FHIT: variants seen among roughly 807,000 people sequenced by gnomAD.
The protein encoded by FHIT is bis(5'-adenosyl)-triphosphatase.
FHIT carries 19 observed loss-of-function variants against 17.9 expected under a neutral mutation model. That is an observed-to-expected ratio of 1.06 (90% CI 0.74 to 1.56). The LOEUF (loss-of-function observed/expected upper bound fraction) is 1.56, where lower values mean the gene tolerates loss of function less well. FHIT is among the 40% of genes most tolerant of loss of function. The pLI, the probability that FHIT is intolerant of heterozygous loss-of-function variation, is 0.00. For missense variants in FHIT, 248 were observed against 189.2 expected, an observed-to-expected ratio of 1.31 and a Z score of -1.82; for synonymous variants, 81 against 69.7, an observed-to-expected ratio of 1.16 and a Z score of -0.81.
chr3:60,189,434 C>T (rs934359464), intron 5 of FHIT, among the ~76,000 whole-genome samples: 1 of 152,122 alleles, frequency 6.6e-6, no homozygotes, highest in Non-Finnish European at 1.5e-5. Flanking sequence ...CACAATCAAT[C>T]ATTCAGGCTT....
At chr3:60,638,239 G>GT (rs2039638783) in intron 4 of FHIT, among the ~76,000 whole-genome samples, 1 of 152,098 alleles carries the variant, frequency 6.6e-6, no homozygotes, top group South Asian at 2.1e-4. Flanking sequence ...TGGAGGGAAC[G>GT]TTTTTCCTCA....
chr3:60,970,870 A>G (rs546878002), intron 3 of FHIT, among the ~76,000 whole-genome samples: 1 of 152,332 alleles, frequency 6.6e-6, no homozygotes, highest in African/African-American at 2.4e-5. Context: ...GTTCATATTT[A>G]TCATCCTGCT....
chr3:60,083,914 C>A (rs1703391958), intron 5 of FHIT, among the ~76,000 whole-genome samples: 1 of 152,204 alleles, frequency 6.6e-6, no homozygotes, highest in South Asian at 2.1e-4. Context: ...CAAGGCCATG[C>A]TCTGCTATAG....
chr3:60,715,888 C>T (rs1292114141), intron 4 of FHIT, among the ~76,000 whole-genome samples: 1 of 152,092 alleles, frequency 6.6e-6, no homozygotes, highest in Non-Finnish European at 1.5e-5. Context: ...CTTGCAGACT[C>T]CCTGGAAGGA....
At chr3:60,875,540 C>A (rs1704608435) in intron 3 of FHIT, among the ~76,000 whole-genome samples, 1 of 152,116 alleles carries the variant, frequency 6.6e-6, no homozygotes, top group Non-Finnish European at 1.5e-5. Context: ...GGGCCTCTCC[C>A]ATTTTTCACA....
chr3:59,911,125 G>A (rs549909126), intron 8 of FHIT, among the ~76,000 whole-genome samples: 1 of 152,206 alleles, frequency 6.6e-6, no homozygotes, highest in Non-Finnish European at 1.5e-5. Context: ...TGTGTACAGT[G>A]TTATATCATT....
At chr3:61,215,282 C>T (rs191598934) in intron 1 of FHIT, among the ~76,000 whole-genome samples, 1 of 151,642 alleles carries the variant, frequency 6.6e-6, no homozygotes, top group East Asian at 1.9e-4. Flanking sequence ...AGCCCAAAAT[C>T]TCCTTAAGCT....
chr3:60,459,469 T>G (rs575490679), intron 5 of FHIT, among the ~76,000 whole-genome samples: 1 of 152,208 alleles, frequency 6.6e-6, no homozygotes. Flanking sequence ...ACAGCACCTC[T>G]TTGAGTTTCA....
chr3:60,731,994 C>T, intron 4 of FHIT: 3 of 349,224 alleles, frequency 8.6e-6, no homozygotes, highest in South Asian at 7.1e-5. Context: ...CTCTGCAATC[C>T]AGCTAGGGAA....
At chr3:60,419,067 C>T (rs1702376419) in intron 5 of FHIT, among the ~76,000 whole-genome samples, 2 of 152,292 alleles carry the variant, frequency 1.3e-5, no homozygotes, top group Admixed American at 6.5e-5. Context: ...CCCTTCTACC[C>T]AGTAACAGCA....
At chr3:60,335,715 C>T (rs1710203721) in intron 5 of FHIT, among the ~76,000 whole-genome samples, 1 of 152,096 alleles carries the variant, frequency 6.6e-6, no homozygotes, top group Admixed American at 6.5e-5. Context: ...TTTATATTGA[C>T]CACATTTTAA....
chr3:60,173,712 G>A (rs1428335892), intron 5 of FHIT, among the ~76,000 whole-genome samples: 1 of 151,236 alleles, frequency 6.6e-6, no homozygotes, highest in Non-Finnish European at 1.5e-5. Flanking sequence ...TGCTCAACTG[G>A]TCTCAGTTCT....
chr3:61,038,018 A>C (rs1266896968), intron 3 of FHIT, among the ~76,000 whole-genome samples: 1 of 152,256 alleles, frequency 6.6e-6, no homozygotes, highest in Non-Finnish European at 1.5e-5. Context: ...TCTAGTTGAC[A>C]AATGGAAAAT....
chr3:60,710,074 TAAAAAAAAAA>T lies in FHIT; in HGVS notation c.-18+111835_-18+111844del, dbSNP rs782196858. Among the ~76,000 whole-genome samples the T allele has an allele frequency of 4.1e-4, 33 of 80,596 alleles. No homozygotes were observed. The East Asian group carries it at 8.6e-3, about 21-fold the overall frequency. 52.9% of individuals were successfully genotyped at this position (80,596 alleles called of 152,430 possible). ...CTTCCCATTTCAGCACACAGAATGC[TAAAAAAAAAA>T]AAAAAAAAAAACTCAACAATCAAAA... is the stretch of plus-strand genomic sequence containing the variant. On this transcript the variant is annotated intron_variant, in intron 4 of 9. Transcript: ENST00000492590.
intron 5 of FHIT, among the ~76,000 whole-genome samples, chr3:60,519,594 A>G (rs2035283943): frequency 6.6e-6 from 1 of 152,188 alleles, no homozygotes; most frequent in Admixed American, 6.5e-5. Flanking sequence ...GAAAATATTA[A>G]TATTAAGAAA....
At chr3:60,836,455 A>T (rs1559759691) in intron 3 of FHIT, among the ~76,000 whole-genome samples, 1 of 152,152 alleles carries the variant, frequency 6.6e-6, no homozygotes. Context: ...TTTAATAGTT[A>T]TGGGCTTTTA....
At chr3:60,840,098 C>A (rs868995525) in intron 3 of FHIT, among the ~76,000 whole-genome samples, 1 of 151,860 alleles carries the variant, frequency 6.6e-6, no homozygotes, top group Non-Finnish European at 1.5e-5. Flanking sequence ...AGCCTAAAGG[C>A]CTTGAAAGAA....
At position 61,149,173 on chromosome 3, in the gene FHIT, G is replaced by A. The variant is rs2037312510; in HGVS notation, c.-164+51444C>T. On this transcript the variant is annotated intron_variant, in intron 2 of 9. Coordinates refer to ENST00000492590, the MANE Select transcript of FHIT (RefSeq NM_002012.4). Reference sequence around the variant, plus strand: ...AGTCACAGAAAACATTCAGAGAAGTGAGAAACCATTGAAATTGGACCAGTG... The same window carrying A: ...AGTCACAGAAAACATTCAGAGAAGTAAGAAACCATTGAAATTGGACCAGTG... 2.6e-5 allele frequency among the ~76,000 whole-genome samples: 4 copies of A among 152,286 alleles called. 1 individual carries two copies. In the South Asian group the frequency reaches 8.3e-4, roughly 32 times the overall value.
At chr3:61,016,779 G>C (rs2032132697) in intron 3 of FHIT, among the ~76,000 whole-genome samples, 1 of 152,210 alleles carries the variant, frequency 6.6e-6, no homozygotes, top group African/African-American at 2.4e-5. Context: ...ACTTATGTGT[G>C]TGCACAAACT....
Sources: allele counts gnomAD v4.1 joint callset (sites outside exome capture counted in the v4.1 genomes callset), GRCh38; gene constraint gnomAD v4.1.1; transcripts MANE v1.5; gene names NCBI Gene and HGNC (gene_info 2026-07-23, HGNC 2026-07-21).